UBE2A: variants seen among roughly 807,000 people sequenced by gnomAD.
UBE2A encodes ubiquitin conjugating enzyme E2 A.
For missense variants in UBE2A, 27 were observed against 125.8 expected (o/e 0.21, Z 3.76); for synonymous variants, 39 against 41.1 (o/e 0.95, Z 0.20).
rs2053451039 is a variant in UBE2A at position 119,581,608 on chromosome X, T to G, written c.241+12T>G. The stretch of plus-strand genomic sequence containing the variant: ...GTTCCATCCAAATGGCAAGTATCAC[T>G]TTTAGTACAGTGTTTTAAACTACTA... On this transcript the variant is annotated intron_variant, in intron 4 of 5. Transcript: ENST00000371558. The G allele has an allele frequency of 1.8e-6, 2 of 1,138,907 alleles. No individual in the cohort carries two copies. Among genetic ancestry groups the G allele is most frequent in the East Asian group, 6.0e-5 (2 of 33,533 alleles). 93.9% of individuals were successfully genotyped at this position (1,138,907 alleles called of 1,213,427 possible).
intron 3 of UBE2A, among the ~76,000 whole-genome samples, chrX:119,578,302 TA>T (rs2053431041): frequency 8.9e-6 from 1 of 112,302 alleles, no homozygotes; most frequent in Non-Finnish European, 1.9e-5. Context: ...ATACAAAGGT[TA>T]TGGAATATAA....
chrX:119,577,981 A>G (rs1029647997), intron 3 of UBE2A, among the ~76,000 whole-genome samples: 14 of 111,154 alleles, frequency 1.3e-4, no homozygotes, highest in Non-Finnish European at 2.6e-4. Context: ...TAGTTGGGGA[A>G]TTTACAGTTA....
Position 119,583,404 on chromosome X carries a change from T to C in UBE2A, c.*149T>C. ...CTTCCTTGCCAAGTTTTCCTACCCCTTCTACCCTCTCCTTAAACATCAGAA... is the reference window on the plus strand; with the variant it reads ...CTTCCTTGCCAAGTTTTCCTACCCCCTCTACCCTCTCCTTAAACATCAGAA... On this transcript the variant is annotated 3_prime_UTR_variant, in exon 6 of 6. Coordinates refer to ENST00000371558, the MANE Select transcript of UBE2A (RefSeq NM_003336.4). 1 of 809,668 alleles carries C rather than the reference T, an allele frequency of 1.2e-6. No homozygotes were observed. The highest frequency in any genetic ancestry group is 2.4e-5 in the South Asian group (1 of 41,895). The allele number at this position is 809,668 out of a possible 1,213,427, so 66.7% of individuals were successfully genotyped here. A position where few individuals can be genotyped will look rare whatever the true frequency, so the allele number is the denominator to read the frequency against.
intron 3 of UBE2A, among the ~76,000 whole-genome samples, chrX:119,578,215 A>G (rs943142237): frequency 1.8e-5 from 2 of 111,931 alleles, no homozygotes; most frequent in Non-Finnish European, 3.8e-5. Flanking sequence ...TAAGAGGAAT[A>G]TATTCTCAAG....
chrX:119,578,709 G>A (rs2053433211), intron 3 of UBE2A, among the ~76,000 whole-genome samples: 1 of 111,372 alleles, frequency 9.0e-6, no homozygotes, highest in Non-Finnish European at 1.9e-5. Context: ...TCTTTAGGCA[G>A]AACATATACC....
At chrX:119,579,187 T>C (rs1293425762) in intron 3 of UBE2A, among the ~76,000 whole-genome samples, 2 of 112,063 alleles carry the variant, frequency 1.8e-5, no homozygotes, top group African/African-American at 6.5e-5. Flanking sequence ...GTGAACTGTT[T>C]TAAAAGACTT....
Position 119,583,371 on chromosome X carries a change from G to A in UBE2A, c.*116G>A. ...TTAAAAGCAAAATAACTGTTGTGCT[G>A]TTTCCATCTTCCTTGCCAAGTTTTC... On this transcript the variant is annotated 3_prime_UTR_variant, in exon 6 of 6. Transcript: ENST00000371558. The A allele has an allele frequency of 9.2e-7, 1 of 1,081,909 alleles. No individual in the cohort carries two copies. Among genetic ancestry groups the A allele is most frequent in the Non-Finnish European group, 1.3e-6 (1 of 788,161 alleles). 89.2% of individuals were successfully genotyped at this position (1,081,909 alleles called of 1,213,427 possible).
At chrX:119,575,120 G>A (rs2053406149) in intron 2 of UBE2A, 139 bp downstream of exon 2, 1 of 857,998 alleles carries the variant, frequency 1.2e-6, no homozygotes, top group Non-Finnish European at 1.7e-6. Flanking sequence ...CGCCTCCCCG[G>A]AGCCTGTGCC....
Position 119,578,174 on chromosome X carries a change from G to C in UBE2A, c.151+2774G>C, listed in dbSNP as rs182805645. Among the ~76,000 whole-genome samples, 5 of 111,629 alleles carry C rather than the reference G, an allele frequency of 4.5e-5. No homozygotes were observed. In the East Asian group the frequency reaches 1.4e-3, roughly 31 times the overall value. ...AATCTTAAGACAAGCAACACTTAAG[G>C]GTATTTTGGTTTAACTTCACACACT... is the stretch of plus-strand genomic sequence containing the variant. On this transcript the variant is annotated intron_variant, in intron 3 of 5. Coordinates refer to ENST00000371558, the MANE Select transcript of UBE2A (RefSeq NM_003336.4).
chrX:119,577,775 G>A (rs1264177392), intron 3 of UBE2A, among the ~76,000 whole-genome samples: 1 of 107,511 alleles, frequency 9.3e-6, no homozygotes, highest in Non-Finnish European at 1.9e-5. Context: ...CAAGTAGCTG[G>A]GATTGCAGGC....
intron 3 of UBE2A, among the ~76,000 whole-genome samples, chrX:119,576,740 A>T (rs999423040): frequency 9.0e-6 from 1 of 111,164 alleles, no homozygotes; most frequent in Non-Finnish European, 1.9e-5. Flanking sequence ...CTTTACCTTT[A>T]CCCCCTGGGT....
At chrX:119,574,823 C>G in intron 1 of UBE2A, 68 bp downstream of exon 1, 2 of 1,192,805 alleles carry the variant, frequency 1.7e-6, no homozygotes, top group East Asian at 3.0e-5. Context: ...CGAGGCGCGC[C>G]GGGCGGGGAG....
In UBE2A at chrX:119,583,543, T is replaced by C. The variant is rs2053465944; in HGVS notation, c.*288T>C. The stretch of plus-strand genomic sequence containing the variant: ...GTTTTCAGGCAGTTATTTTTATTAT[T>C]GTACTTTAAGCTTTTAAGATGAATT... On this transcript the variant is annotated 3_prime_UTR_variant, in exon 6 of 6. Transcript: ENST00000371558. The C allele has an allele frequency of 9.7e-6, 3 of 307,971 alleles. No individual in the cohort carries two copies. Among genetic ancestry groups the C allele is most frequent in the Admixed American group, 1.1e-4 (2 of 19,040 alleles). The allele number at this position is 307,971 out of a possible 1,213,427, so 25.4% of individuals were successfully genotyped here.
chrX:119,579,980 T>G (rs2053440470), intron 3 of UBE2A, among the ~76,000 whole-genome samples: 1 of 111,879 alleles, frequency 8.9e-6, no homozygotes, highest in Non-Finnish European at 1.9e-5. Context: ...AAGGAAGAAC[T>G]GTGCTTTCTT....
At chrX:119,581,946 T>C (rs1318091085) in intron 4 of UBE2A, among the ~76,000 whole-genome samples, 3 of 112,549 alleles carry the variant, frequency 2.7e-5, no homozygotes, top group African/African-American at 9.7e-5. Flanking sequence ...GTAGTTTTCA[T>C]TGGACGCATA....
In UBE2A at chrX:119,583,012, G is replaced by C. The variant is rs149669906; in HGVS notation, c.331-115G>C. 90 of 954,692 alleles carry C rather than the reference G, an allele frequency of 9.4e-5. No individual in the cohort carries two copies. The East Asian group carries it at 2.6e-3, about 28-fold the overall frequency. 78.7% of individuals were successfully genotyped at this position (954,692 alleles called of 1,213,427 possible). A position where few individuals can be genotyped will look rare whatever the true frequency, so the allele number is the denominator to read the frequency against. ...AGCAGATTCACATAACTCTGGGTTT[G>C]TATGCTAAAGACAAGAAATGTAGCT... On this transcript the variant is annotated intron_variant, in intron 5 of 5. Coordinates refer to ENST00000371558, the MANE Select transcript of UBE2A (RefSeq NM_003336.4).
chrX:119,579,142 A>T (rs1343432215), intron 3 of UBE2A, among the ~76,000 whole-genome samples: 3 of 112,270 alleles, frequency 2.7e-5, no homozygotes, highest in Non-Finnish European at 5.6e-5. Context: ...ATTCAAGTAG[A>T]CATAAATAGG....
intron 2 of UBE2A, 32 bp downstream of exon 2, chrX:119,575,013 A>T (rs1042179800): frequency 8.3e-7 from 1 of 1,201,008 alleles, no homozygotes; most frequent in Middle Eastern, 2.3e-4. Flanking sequence ...TGGCGAGAAA[A>T]CTGGGGACGC....
Position 119,584,384 on chromosome X carries a change from T to G in UBE2A, c.*1129T>G, listed in dbSNP as rs2053474194. On this transcript the variant is annotated 3_prime_UTR_variant, in exon 6 of 6. Transcript: ENST00000371558. ...TAACCCATGTAAAAAAAAATGTACA[T>G]TTTTCAAAAGTTGTAAATAAAAATA... The G allele has an allele frequency of 9.0e-6, 1 of 111,124 alleles. No homozygotes were observed. The highest frequency in any genetic ancestry group is 1.9e-5 in the Non-Finnish European group (1 of 52,953). The allele number at this position is 111,124 out of a possible 1,213,427, so 9.2% of individuals were successfully genotyped here. A position where few individuals can be genotyped will look rare whatever the true frequency, so the allele number is the denominator to read the frequency against.
Sources: allele counts gnomAD v4.1 joint callset (sites outside exome capture counted in the v4.1 genomes callset), GRCh38; gene constraint gnomAD v4.1.1; transcripts MANE v1.5; gene names NCBI Gene and HGNC (gene_info 2026-07-23, HGNC 2026-07-21).